SACS: variants seen among roughly 807,000 people sequenced by gnomAD.
SACS encodes the protein sacsin molecular chaperone.
Under a neutral mutation model 348.0 loss-of-function variants are expected in SACS, and 197 were observed. The ratio of observed to expected loss-of-function variants is 0.57; its 90% CI spans 0.50 to 0.64. The LOEUF (loss-of-function observed/expected upper bound fraction) is 0.64, where lower values mean the gene tolerates loss of function less well. SACS is among the 30% of genes least tolerant of loss of function. The probability of loss-of-function intolerance (pLI) is 0.00; values close to 1 mark genes in which losing one functional copy is unlikely to be tolerated. For missense variants in SACS, 4,999 were observed against 5,360.8 expected (o/e 0.93, Z 2.11); for synonymous variants, 1,985 against 1,910.6 (o/e 1.04, Z -1.02).
chr13:23,387,072 G>A (rs1872317617), intron 2 of SACS, among the ~76,000 whole-genome samples: 2 of 152,024 alleles, frequency 1.3e-5, no homozygotes, highest in African/African-American at 4.8e-5. Flanking sequence ...TCCAAAATGC[G>A]ACACAGAGAC....
chr13:23,426,498 G>T (rs575273044), intron 1 of SACS, among the ~76,000 whole-genome samples: 1 of 152,206 alleles, frequency 6.6e-6, no homozygotes, highest in South Asian at 2.1e-4. Context: ...AATTTAGCCC[G>T]GCATGATGGT....
rs967964723 is a variant in SACS at position 23,433,700 on chromosome 13, A to C, written c.-587T>G. The C allele has an allele frequency of 3.3e-5, 5 of 152,290 alleles. No individual in the cohort carries two copies. Among genetic ancestry groups the C allele is most frequent in the Admixed American group, 6.5e-5 (1 of 15,276 alleles). The allele number at this position is 152,290 out of a possible 1,614,324, so 9.4% of individuals were successfully genotyped here. ...CCCAGCGTGACTGTCCCGCAGCCGC[A>C]CTGGGTCCAGGCGGCTCCTGCCGCA... is the stretch of plus-strand genomic sequence containing the variant. On this transcript the variant is annotated 5_prime_UTR_variant, in exon 1 of 10. Transcript: ENST00000382292.
intron 1 of SACS, among the ~76,000 whole-genome samples, chr13:23,413,338 C>G (rs1873571609): frequency 6.6e-6 from 1 of 152,202 alleles, no homozygotes; most frequent in Admixed American, 6.5e-5. Flanking sequence ...TCTGCCCATT[C>G]ATTGTTCTAA....
chr13:23,407,824 C>A (rs2137950360), intron 2 of SACS, among the ~76,000 whole-genome samples: 1 of 152,316 alleles, frequency 6.6e-6, no homozygotes, highest in East Asian at 1.9e-4. Context: ...CAGACAGAAT[C>A]CCCTGACTCC....
intron 2 of SACS, chr13:23,375,693 G>T: frequency 2.4e-6 from 1 of 411,192 alleles, no homozygotes; most frequent in Middle Eastern, 1.2e-3. Flanking sequence ...TCCAGGCCCC[G>T]CCCAGTCAAG....
Position 23,332,548 on chromosome 13 carries a change from T to C in SACS, c.11328A>G (p.Ile3776Met), listed in dbSNP as rs1019402240. Residue 3776 changes from isoleucine (I) to methionine (M), a missense_variant, in exon 10 of 10, where the codon ATA becomes ATG. This residue lies in a region of SACS where 831 missense variants were observed against 941.8 expected (regional missense o/e 0.88). Coordinates refer to ENST00000382292, the MANE Select transcript of SACS (RefSeq NM_014363.6). ...VKTRAKVLRS[I>M]YEFLSAEKRE... ...TTTTTTCTGCACTGAGGAATTCATATATGCTCCTTAAGACTTTTGCTCTAG... is the reference window on the plus strand; with the variant it reads ...TTTTTTCTGCACTGAGGAATTCATACATGCTCCTTAAGACTTTTGCTCTAG... 6.8e-6 allele frequency: 11 copies of C among 1,613,988 alleles called. No homozygotes were observed. Among genetic ancestry groups the C allele is most frequent in the Non-Finnish European group, 9.3e-6 (11 of 1,179,912 alleles).
chr13:23,348,854 G>A lies in SACS; in HGVS notation c.2185+4931C>T, dbSNP rs541000887. 7.9e-5 allele frequency among the ~76,000 whole-genome samples: 12 copies of A among 152,356 alleles called. 1 individual carries two copies. The South Asian group carries it at 2.5e-3, about 32-fold the overall frequency. On this transcript the variant is annotated intron_variant, in intron 9 of 9. Coordinates refer to ENST00000382292, the MANE Select transcript of SACS (RefSeq NM_014363.6). ...GAGCACCTACACTGAAGTAGGCACT[G>A]TGCTAGATGGTGGTAACAAATCTGA...
At chr13:23,395,835 T>C (rs1872692432) in intron 2 of SACS, among the ~76,000 whole-genome samples, 1 of 152,222 alleles carries the variant, frequency 6.6e-6, no homozygotes, top group African/African-American at 2.4e-5. Context: ...TTTACTCTTT[T>C]TACCTGACAT....
chr13:23,388,980 C>T (rs1360896486), intron 2 of SACS, among the ~76,000 whole-genome samples: 1 of 152,024 alleles, frequency 6.6e-6, no homozygotes, highest in African/African-American at 2.4e-5. Context: ...AAATTTTAAT[C>T]CATGTATTCA....
chr13:23,396,585 C>T (rs932832684), intron 2 of SACS, among the ~76,000 whole-genome samples: 15 of 151,950 alleles, frequency 9.9e-5, no homozygotes, highest in African/African-American at 3.6e-4. Context: ...AACCTAAGAA[C>T]AAATGTGTAA....
At chr13:23,386,081 C>T (rs1419845811) in intron 2 of SACS, among the ~76,000 whole-genome samples, 1 of 152,196 alleles carries the variant, frequency 6.6e-6, no homozygotes, top group Non-Finnish European at 1.5e-5. Context: ...TAGCATAATG[C>T]TTAAGCGCCC....
At chr13:23,382,505 A>G (rs1018272171) in intron 2 of SACS, among the ~76,000 whole-genome samples, 11 of 152,220 alleles carry the variant, frequency 7.2e-5, no homozygotes, top group African/African-American at 1.9e-4. Context: ...AAATAGTTAT[A>G]AAATGAAAAA....
In SACS at chr13:23,336,516, G is replaced by A; in HGVS notation, c.7360C>T (p.Pro2454Ser). Reference sequence around the variant, plus strand: ...GGGAGAAGCATAAGATTAGTATCTGGCAATAATATCTTGCCATAATTTTTC... The same window carrying A: ...GGGAGAAGCATAAGATTAGTATCTGACAATAATATCTTGCCATAATTTTTC... ...CEKNYGKILLPDTNLMLLPAK... is the reference protein window; with the variant it reads ...CEKNYGKILLSDTNLMLLPAK... The change falls in exon 10 of 10, where the codon CCA (proline) becomes TCA (serine). Residue 2454 changes from proline (P) to serine (S), a missense_variant. By Grantham distance (74) the Pro-to-Ser change is moderately conservative. Coordinates refer to ENST00000382292, the MANE Select transcript of SACS (RefSeq NM_014363.6). The A allele has an allele frequency of 6.2e-7, 1 of 1,613,884 alleles. No individual in the cohort carries two copies. Among genetic ancestry groups the A allele is most frequent in the Non-Finnish European group, 8.5e-7 (1 of 1,179,882 alleles).
Position 23,334,473 on chromosome 13 carries a change from A to G in SACS, c.9403T>C (p.Leu3135=), listed in dbSNP as rs867103476. Residue 3135 remains leucine, a synonymous_variant, in exon 10 of 10, where the codon TTA becomes CTA. Coordinates refer to ENST00000382292, the MANE Select transcript of SACS (RefSeq NM_014363.6). ...NLKLFHSLKL[L]VDYCFKDAEE... ...GCATCTTTAAAACAATAATCAACTA[A>G]AAGTTTTAAACTATGAAAAAGTTTT... The G allele has an allele frequency of 1.5e-5, 24 of 1,612,814 alleles. No homozygotes were observed. The Middle Eastern group carries it at 3.6e-3, about 244-fold the overall frequency.
At chr13:23,382,948 C>T (rs1872126866) in intron 2 of SACS, among the ~76,000 whole-genome samples, 1 of 134,752 alleles carries the variant, frequency 7.4e-6, no homozygotes, top group South Asian at 2.5e-4. Context: ...TACCACCATG[C>T]CCAGCTAATT....
At position 23,337,729 on chromosome 13, in the gene SACS, G is replaced by A; in HGVS notation, c.6147C>T (p.Asn2049=). 6.2e-7 allele frequency: 1 copy of A among 1,613,526 alleles called. No individual in the cohort carries two copies. The highest frequency in any genetic ancestry group is 1.7e-4 in the Middle Eastern group (1 of 6,060). Residue 2049 remains asparagine, a synonymous_variant, in exon 10 of 10, where the codon AAC becomes AAT. Transcript: ENST00000382292. ...EAGCKQILLE[N]TFSEKQFFSE... is the part of the protein sequence containing the mutation. ...AAAAAAACTGTTTCTCTGAAAATGT[G>A]TTTTCAAGTAGTATCTGTTTGCAGC...
At chr13:23,431,288 G>A (rs1401312338) in intron 1 of SACS, among the ~76,000 whole-genome samples, 1 of 152,206 alleles carries the variant, frequency 6.6e-6, no homozygotes, top group Admixed American at 6.5e-5. Context: ...TTAGCACAAA[G>A]AGAAGTCAAA....
intron 1 of SACS, among the ~76,000 whole-genome samples, chr13:23,425,589 C>T (rs1874135971): frequency 6.6e-6 from 1 of 152,170 alleles, no homozygotes; most frequent in Non-Finnish European, 1.5e-5. Context: ...ATGGGCCCTG[C>T]CCTCTTCCTG....
chr13:23,399,832 G>T (rs2137924647), intron 2 of SACS, among the ~76,000 whole-genome samples: 1 of 151,808 alleles, frequency 6.6e-6, no homozygotes, highest in Non-Finnish European at 1.5e-5. Context: ...CCAGGAAGAT[G>T]CCAGCCTTGA....
Sources: allele counts gnomAD v4.1 joint callset (sites outside exome capture counted in the v4.1 genomes callset), GRCh38; gene constraint gnomAD v4.1.1; regional missense constraint gnomAD v4.1.1; transcripts MANE v1.5; gene names NCBI Gene and HGNC (gene_info 2026-07-23, HGNC 2026-07-21).